The following DAPK1 variants were observed in gnomAD, a reference collection of about 807,000 sequenced individuals.
The protein encoded by DAPK1 is death associated protein kinase 1.
A neutral mutation model predicts 144.9 loss-of-function variants in DAPK1; 56 were observed. That is an observed-to-expected ratio of 0.39 (90% CI 0.31 to 0.48). DAPK1 has a LOEUF of 0.48. Among genes scored for constraint, DAPK1 ranks in the 20% least tolerant of loss-of-function variants. The pLI is 0.95. For missense variants in DAPK1, 1,454 were observed against 1,875.4 expected, an observed-to-expected ratio of 0.78 and a Z score of 4.15; for synonymous variants, 690 against 749.0, an observed-to-expected ratio of 0.92 and a Z score of 1.29.
rs1387394301 is a variant in DAPK1, at chr9:87,707,079, C to G, written c.4008C>G (p.Leu1336=). The change falls in exon 26 of 26, where the codon CTC becomes CTG. Residue 1336 remains leucine, a synonymous_variant. Coordinates refer to ENST00000408954, the MANE Select transcript of DAPK1 (RefSeq NM_004938.4). The surrounding 1 kb of genome is among the most constrained non-coding windows in gnomAD (Gnocchi z 4.0). ...GCCTTCTCGCCATGAACTTAGGCCT[C>G]CCTGACCTCGTGGCAAAGTACAACA... The part of the protein sequence containing the change: ...DWCLLAMNLG[L]PDLVAKYNTS... The G allele has an allele frequency of 2.5e-6, 4 of 1,613,948 alleles. No homozygotes were observed. Among genetic ancestry groups the G allele is most frequent in the Non-Finnish European group, 3.4e-6 (4 of 1,179,966 alleles).
chr9:87,642,129 A>G (rs1442835481), intron 10 of DAPK1, 71 bp downstream of exon 10: 20 of 1,171,886 alleles, frequency 1.7e-5, no homozygotes, highest in South Asian at 1.2e-4. Flanking sequence ...GTCAGGGTGC[A>G]TCTCCTCTGA....
intron 2 of DAPK1, among the ~76,000 whole-genome samples, chr9:87,513,273 A>G (rs1332930127): frequency 1.3e-5 from 2 of 152,266 alleles, no homozygotes. Flanking sequence ...TATCTCAGCA[A>G]GCTTCTAGTC....
intron 17 of DAPK1, among the ~76,000 whole-genome samples, chr9:87,655,493 G>A (rs188907014): frequency 7.2e-5 from 11 of 152,280 alleles, no homozygotes; most frequent in Admixed American, 2.6e-4. Flanking sequence ...GATTGTGAGC[G>A]TGGGGTGGCA....
chr9:87,517,487 G>A (rs892810268), intron 2 of DAPK1, among the ~76,000 whole-genome samples: 16 of 151,984 alleles, frequency 1.1e-4, no homozygotes, highest in African/African-American at 3.4e-4. Flanking sequence ...TTGTGAGCCC[G>A]TAAAGTGTAA....
chr9:87,580,437 C>T (rs36204766), intron 2 of DAPK1, among the ~76,000 whole-genome samples: 1 of 152,110 alleles, frequency 6.6e-6, no homozygotes, highest in Non-Finnish European at 1.5e-5. Context: ...GTTCCCAGTG[C>T]AAAGCAATCT....
chr9:87,654,550 T>TA (rs1294553075), intron 17 of DAPK1, among the ~76,000 whole-genome samples: 2 of 152,248 alleles, frequency 1.3e-5, no homozygotes, highest in African/African-American at 4.8e-5. Flanking sequence ...TTTTAGCCAT[T>TA]AGCTGCTGGT....
chr9:87,606,493 C>T (rs996189296), intron 3 of DAPK1, among the ~76,000 whole-genome samples: 3 of 139,952 alleles, frequency 2.1e-5, no homozygotes, highest in African/African-American at 8.1e-5. Flanking sequence ...CTCCCTCTGT[C>T]TCTCCCTCCC....
chr9:87,571,224 G>A (rs2118742380), intron 2 of DAPK1, among the ~76,000 whole-genome samples: 1 of 152,098 alleles, frequency 6.6e-6, no homozygotes, highest in Non-Finnish European at 1.5e-5. Context: ...CAAGATGGGA[G>A]ACCCCAGGCT....
chr9:87,525,132 G>C (rs577097124), intron 2 of DAPK1, among the ~76,000 whole-genome samples: 6 of 152,344 alleles, frequency 3.9e-5, no homozygotes, highest in Admixed American at 3.3e-4. Flanking sequence ...TCAGGAGCCT[G>C]TGGATGACCC....
intron 16 of DAPK1, 70 bp downstream of exon 16, chr9:87,650,188 T>G (rs1232800527): frequency 6.7e-7 from 1 of 1,500,860 alleles, no homozygotes; most frequent in Non-Finnish European, 9.2e-7. Flanking sequence ...ACAAGACTCC[T>G]CAGTTTGTTT....
intron 3 of DAPK1, among the ~76,000 whole-genome samples, chr9:87,621,167 C>T (rs1354539119): frequency 6.6e-6 from 1 of 152,226 alleles, no homozygotes; most frequent in Non-Finnish European, 1.5e-5. Context: ...CCCTTTCCTA[C>T]CCTGGGACAG....
intron 2 of DAPK1, among the ~76,000 whole-genome samples, chr9:87,517,325 C>G (rs1825101018): frequency 1.3e-5 from 2 of 151,390 alleles, no homozygotes; most frequent in African/African-American, 4.9e-5. Flanking sequence ...GGTTTATAAT[C>G]CATTTTCCCT....
intron 25 of DAPK1, among the ~76,000 whole-genome samples, chr9:87,705,368 C>A (rs946440871): frequency 6.6e-6 from 1 of 151,354 alleles, no homozygotes; most frequent in Non-Finnish European, 1.5e-5. Context: ...CCTACAGACA[C>A]AAGCCATCAC....
At chr9:87,667,177 A>T (rs1050871338) in intron 18 of DAPK1, among the ~76,000 whole-genome samples, 11 of 152,120 alleles carry the variant, frequency 7.2e-5, no homozygotes, top group African/African-American at 2.4e-5. Flanking sequence ...CTGGTTGGAG[A>T]TGCAGTGTCT....
At chr9:87,669,769 G>GT (rs1018655550) in intron 19 of DAPK1, among the ~76,000 whole-genome samples, 3 of 151,776 alleles carry the variant, frequency 2.0e-5, no homozygotes, top group East Asian at 1.9e-4. Flanking sequence ...GGGGCAGGGG[G>GT]GGGCCACAGA....
intron 2 of DAPK1, among the ~76,000 whole-genome samples, chr9:87,524,365 C>T (rs1825408773): frequency 6.6e-6 from 1 of 152,256 alleles, no homozygotes; most frequent in African/African-American, 2.4e-5. Context: ...CCCTCACCCT[C>T]AGGGCCCTCA....
intron 21 of DAPK1, among the ~76,000 whole-genome samples, chr9:87,688,636 T>C (rs1217545795): frequency 6.6e-6 from 1 of 152,238 alleles, no homozygotes; most frequent in African/African-American, 2.4e-5. Flanking sequence ...CTGATTGGTG[T>C]GAAATGGTAT....
intron 2 of DAPK1, among the ~76,000 whole-genome samples, chr9:87,505,183 A>G (rs1268794344): frequency 6.6e-6 from 1 of 152,184 alleles, no homozygotes; most frequent in Non-Finnish European, 1.5e-5. Flanking sequence ...CAGCAGGGAA[A>G]TGTGTTAGGA....
At chr9:87,581,046 T>C (rs1434928426) in intron 2 of DAPK1, among the ~76,000 whole-genome samples, 5 of 152,214 alleles carry the variant, frequency 3.3e-5, no homozygotes, top group Non-Finnish European at 7.3e-5. Flanking sequence ...CCCAGTTAGA[T>C]AGCTATCGCG....
Sources: gnomAD v4.1 joint callset for allele counts (sites outside exome capture counted in the v4.1 genomes callset) on GRCh38, gnomAD v4.1.1 for gene constraint, Gnocchi (gnomAD v3.1) non-coding constraint, MANE v1.5 for transcripts, NCBI Gene and HGNC (gene_info 2026-07-23, HGNC 2026-07-21) for gene names.